The following ADGRL2 variants were observed in gnomAD, a reference collection of about 807,000 sequenced individuals.
The protein encoded by ADGRL2 is adhesion G protein-coupled receptor L2, also known as calcium-independent alpha-latrotoxin receptor 2.
Under a neutral mutation model 157.4 loss-of-function variants are expected in ADGRL2, and 44 were observed. The ratio of observed to expected loss-of-function variants is 0.28; its 90% CI spans 0.22 to 0.36. The LOEUF is 0.36. Among genes scored for constraint, ADGRL2 ranks in the 10% least tolerant of loss-of-function variants. The probability of loss-of-function intolerance (pLI) is 1.00; values close to 1 mark genes in which losing one functional copy is unlikely to be tolerated. For missense variants in ADGRL2, 1,510 were observed against 1,768.9 expected, an observed-to-expected ratio of 0.85 and a Z score of 2.63; for synonymous variants, 585 against 624.7, an observed-to-expected ratio of 0.94 and a Z score of 0.95.
intron 11 of ADGRL2, among the ~76,000 whole-genome samples, chr1:81,958,279 A>G (rs34571913): frequency 0.14 from 21,319 of 150,528 alleles, 1,813 homozygotes; most frequent in Middle Eastern, 0.3. Context: ...GTCATTTTAC[A>G]TATTGTAATA....
chr1:81,822,228 T>TAC (rs1437270949), intron 1 of ADGRL2, among the ~76,000 whole-genome samples: 1 of 149,564 alleles, frequency 6.7e-6, no homozygotes, highest in Non-Finnish European at 1.5e-5. Context: ...AAGTGTTTTC[T>TAC]ACACATGTTT....
chr1:81,420,877 T>G (rs2077112065), intron 1 of ADGRL2, among the ~76,000 whole-genome samples: 1 of 152,192 alleles, frequency 6.6e-6, no homozygotes, highest in Non-Finnish European at 1.5e-5. Context: ...GGTAAATCAT[T>G]AAATATCAGC....
intron 2 of ADGRL2, among the ~76,000 whole-genome samples, chr1:81,562,557 G>A (rs1363185566): frequency 6.6e-6 from 1 of 152,052 alleles, no homozygotes; most frequent in Non-Finnish European, 1.5e-5. Context: ...ATAAGAAATT[G>A]TATAGCCTCA....
chr1:81,578,570 A>G (rs1468867423), intron 2 of ADGRL2, among the ~76,000 whole-genome samples: 1 of 152,180 alleles, frequency 6.6e-6, no homozygotes, highest in Non-Finnish European at 1.5e-5. Flanking sequence ...CTTTTCTTTT[A>G]CACCTTCATT....
intron 1 of ADGRL2, chr1:81,722,546 C>G: frequency 6.5e-7 from 1 of 1,534,446 alleles, no homozygotes; most frequent in Non-Finnish European, 8.9e-7. Context: ...TCAGCTCAGC[C>G]TTACAAATGG....
At chr1:81,600,648 C>G (rs2081316650) in intron 3 of ADGRL2, among the ~76,000 whole-genome samples, 1 of 152,172 alleles carries the variant, frequency 6.6e-6, no homozygotes, top group South Asian at 2.1e-4. Context: ...ATGTGTTTCT[C>G]AGAATTTGAA....
At chr1:81,786,991 G>A (rs1035515503) in intron 2 of ADGRL2, among the ~76,000 whole-genome samples, 1 of 152,142 alleles carries the variant, frequency 6.6e-6, no homozygotes, top group Non-Finnish European at 1.5e-5. Context: ...GGGGATGGGG[G>A]TGGTTTCCCC....
At chr1:81,965,468 A>G (rs1480984476) in intron 11 of ADGRL2, among the ~76,000 whole-genome samples, 1 of 152,180 alleles carries the variant, frequency 6.6e-6, no homozygotes, top group Non-Finnish European at 1.5e-5. Context: ...TGACATTTTC[A>G]TCATAAATAT....
At chr1:81,983,948 A>G (rs1662355827) in intron 19 of ADGRL2, among the ~76,000 whole-genome samples, 1 of 152,174 alleles carries the variant, frequency 6.6e-6, no homozygotes, top group Middle Eastern at 3.4e-3. Context: ...GTGAATAGAC[A>G]TCTTAGACTC....
At chr1:81,465,189 T>C (rs1279199077) in intron 2 of ADGRL2, among the ~76,000 whole-genome samples, 1 of 152,124 alleles carries the variant, frequency 6.6e-6, no homozygotes, top group Non-Finnish European at 1.5e-5. Context: ...ACAAATATTT[T>C]ACACAACATA....
chr1:81,311,431 G>T (rs1234883136), intron 1 of ADGRL2, among the ~76,000 whole-genome samples: 5 of 152,042 alleles, frequency 3.3e-5, no homozygotes, highest in African/African-American at 1.2e-4. Context: ...TGTTTCATGG[G>T]TCATATTCTT....
chr1:81,874,665 C>CTGTCT (rs2093788089), intron 2 of ADGRL2, among the ~76,000 whole-genome samples: 1 of 150,494 alleles, frequency 6.6e-6, no homozygotes, highest in African/African-American at 2.5e-5. Flanking sequence ...CTGTCCTGTC[C>CTGTCT]TGTCCTGTCA....
chr1:81,478,844 T>A lies in ADGRL2; in HGVS notation c.-248+33755T>A, dbSNP rs1373250342. ...GCATCTGCATGCATTTATTTGAGTTTTTTTTTTCTTGTTTCAATGGAACAA... is the reference window on the plus strand; with the variant it reads ...GCATCTGCATGCATTTATTTGAGTTATTTTTTTCTTGTTTCAATGGAACAA... On this transcript the variant is annotated intron_variant, in intron 2 of 24. Transcript: ENST00000370721. 2.6e-5 allele frequency among the ~76,000 whole-genome samples: 4 copies of A among 152,250 alleles called. No homozygotes were observed. In the East Asian group the frequency reaches 7.7e-4, roughly 29 times the overall value.
At chr1:81,418,845 TTAAC>T in intron 1 of ADGRL2, among the ~76,000 whole-genome samples, 1 of 152,328 alleles carries the variant, frequency 6.6e-6, no homozygotes, top group Admixed American at 6.5e-5. Context: ...ATGTAGCGAT[TTAAC>T]TAACCAAATC....
intron 2 of ADGRL2, among the ~76,000 whole-genome samples, chr1:81,513,565 T>C (rs1274115631): frequency 1.3e-5 from 2 of 152,094 alleles, no homozygotes; most frequent in Admixed American, 1.3e-4. Flanking sequence ...AAGAGGGAAA[T>C]GTGTTTCAGA....
intron 19 of ADGRL2, among the ~76,000 whole-genome samples, chr1:81,983,862 G>A (rs1303347301): frequency 5.3e-5 from 8 of 151,836 alleles, no homozygotes. Context: ...AAGCTTCAGG[G>A]GAAAAGGGAA....
intron 2 of ADGRL2, chr1:81,502,031 C>T (rs555469082): frequency 3.7e-6 from 6 of 1,602,518 alleles, no homozygotes; most frequent in South Asian, 1.1e-5. Context: ...AGTGTTTGAA[C>T]GGGGCAACAT....
chr1:81,816,476 A>G (rs1044726823), intron 1 of ADGRL2, among the ~76,000 whole-genome samples: 77 of 151,802 alleles, frequency 5.1e-4, no homozygotes, highest in Non-Finnish European at 2.9e-4. Context: ...TTCTGAATGG[A>G]TGGTTGAGGG....
chr1:81,439,923 G>A (rs2077476438), intron 1 of ADGRL2, among the ~76,000 whole-genome samples: 1 of 152,198 alleles, frequency 6.6e-6, no homozygotes, highest in South Asian at 2.1e-4. Flanking sequence ...GAATTTTGTT[G>A]AGAAATGAAA....
Sources: allele counts gnomAD v4.1 joint callset (sites outside exome capture counted in the v4.1 genomes callset), GRCh38; gene constraint gnomAD v4.1.1; transcripts MANE v1.5; gene names NCBI Gene and HGNC (gene_info 2026-07-23, HGNC 2026-07-21).